Variants in PAWR observed in about 807,000 individuals in gnomAD.
The protein encoded by PAWR is pro-apoptotic WT1 regulator.
PAWR carries 23 observed loss-of-function variants against 32.0 expected under a neutral mutation model. The ratio of observed to expected loss-of-function variants is 0.72; its 90% CI spans 0.52 to 1.02. The LOEUF (loss-of-function observed/expected upper bound fraction) is 1.02. Ranked by LOEUF, PAWR falls within the 50% of genes least tolerant of loss-of-function variation. The pLI is 0.00. For synonymous variants in PAWR, 226 were observed against 187.1 expected, an observed-to-expected ratio of 1.21 and a Z score of -1.70; for missense variants, 457 against 437.7, an observed-to-expected ratio of 1.04 and a Z score of -0.39.
At position 79,584,990 on chromosome 12, in the gene PAWR, G is replaced by C; in HGVS notation, c.*7617C>G. On this transcript the variant is annotated 3_prime_UTR_variant, in exon 7 of 7. Transcript: ENST00000328827. ...AATAACAGAGATAAAACTTAACACA[G>C]ACAAACAATGATTTTATTCCATAGT... 3.9e-6 allele frequency: 1 copy of C among 257,072 alleles called. No homozygotes were observed. Among genetic ancestry groups the C allele is most frequent in the South Asian group, 4.0e-5 (1 of 25,026 alleles). 15.9% of individuals were successfully genotyped at this position (257,072 alleles called of 1,614,324 possible).
chr12:79,594,761 C>T (rs1218937931), intron 5 of PAWR, among the ~76,000 whole-genome samples: 2 of 151,752 alleles, frequency 1.3e-5, no homozygotes, highest in African/African-American at 4.8e-5. Flanking sequence ...CTCTTGTCAC[C>T]CAGGCTGGAG....
chr12:79,643,983 G>A (rs954778907), intron 2 of PAWR, among the ~76,000 whole-genome samples: 2 of 152,128 alleles, frequency 1.3e-5, no homozygotes, highest in Non-Finnish European at 2.9e-5. Flanking sequence ...GCACAAGTTC[G>A]TATGAAGCAA....
At chr12:79,652,580 T>C (rs988043709) in intron 2 of PAWR, among the ~76,000 whole-genome samples, 1 of 152,206 alleles carries the variant, frequency 6.6e-6, no homozygotes, top group Non-Finnish European at 1.5e-5. Flanking sequence ...ATGATCAAAA[T>C]ATGGAGCATC....
At chr12:79,689,536 G>A (rs1878861362) in intron 2 of PAWR, among the ~76,000 whole-genome samples, 193 bp downstream of exon 2, 1 of 152,180 alleles carries the variant, frequency 6.6e-6, no homozygotes, top group African/African-American at 2.4e-5. Flanking sequence ...GTCCTACTCT[G>A]AGTTTGGGGA....
intron 2 of PAWR, among the ~76,000 whole-genome samples, chr12:79,637,430 C>T (rs1419992891): frequency 3.3e-5 from 5 of 151,622 alleles, no homozygotes; most frequent in African/African-American, 4.9e-5. Context: ...CTAGCATATA[C>T]CATTCTGTCA....
chr12:79,690,226 G>T lies in PAWR; in HGVS notation c.19C>A (p.Arg7=). 6.6e-7 allele frequency: 1 copy of T among 1,517,220 alleles called. No individual in the cohort carries two copies. Among genetic ancestry groups the T allele is most frequent in the Non-Finnish European group, 8.8e-7 (1 of 1,137,272 alleles). The allele number at this position is 1,517,220 out of a possible 1,614,324, so 94.0% of individuals were successfully genotyped here. ...CTGCCGCCGAGGCCGCTGCTGGTCC[G>T]GTAGCCACCGGTCGCCATATTCCCA... is the stretch of plus-strand genomic sequence containing the variant. MATGGY[R]TSSGLGGSTT... Residue 7 remains arginine (R), a synonymous_variant, in exon 2 of 7, where the codon CGG becomes AGG. Coordinates refer to ENST00000328827, the MANE Select transcript of PAWR (RefSeq NM_002583.4).
chr12:79,672,142 C>T lies in PAWR; in HGVS notation c.516+17587G>A, dbSNP rs571798593. On this transcript the variant is annotated intron_variant, in intron 2 of 6. Coordinates refer to ENST00000328827, the MANE Select transcript of PAWR (RefSeq NM_002583.4). ...CCTACCTCCCACCTGGTCACTCTCT[C>T]CTGTATTGCTGTAGTGGTCTGCCCT... is the stretch of plus-strand genomic sequence containing the variant. Among the ~76,000 whole-genome samples, 3 of 152,224 alleles carry T rather than the reference C, an allele frequency of 2.0e-5. No individual in the cohort carries two copies. In the South Asian group the frequency reaches 6.2e-4, roughly 32 times the overall value.
intron 2 of PAWR, among the ~76,000 whole-genome samples, chr12:79,647,922 C>T (rs1320992950): frequency 6.6e-6 from 1 of 152,094 alleles, no homozygotes; most frequent in Non-Finnish European, 1.5e-5. Flanking sequence ...CAGGATGAAA[C>T]TGTTCTACCT....
At chr12:79,651,415 G>A (rs1876838661) in intron 2 of PAWR, among the ~76,000 whole-genome samples, 5 of 152,152 alleles carry the variant, frequency 3.3e-5, no homozygotes, top group Admixed American at 3.3e-4. Flanking sequence ...TGCATTTGAA[G>A]CTTTCCCTTA....
chr12:79,651,829 A>G (rs1250712177), intron 2 of PAWR, among the ~76,000 whole-genome samples: 1 of 152,214 alleles, frequency 6.6e-6, no homozygotes, highest in African/African-American at 2.4e-5. Flanking sequence ...TTTTAAATCT[A>G]GGCCATGAAA....
intron 2 of PAWR, among the ~76,000 whole-genome samples, chr12:79,666,193 A>G (rs1445601737): frequency 6.6e-6 from 1 of 152,190 alleles, no homozygotes; most frequent in Non-Finnish European, 1.5e-5. Context: ...AAGGGGGCTT[A>G]AAAGTAGTCT....
intron 4 of PAWR, among the ~76,000 whole-genome samples, chr12:79,598,535 G>GA (rs1476154658): frequency 1.3e-5 from 2 of 152,000 alleles, no homozygotes; most frequent in Non-Finnish European, 2.9e-5. Context: ...CAGTTAAATC[G>GA]AAAGTGACTT....
chr12:79,685,883 A>AC (rs1878658286), intron 2 of PAWR, among the ~76,000 whole-genome samples: 1 of 152,222 alleles, frequency 6.6e-6, no homozygotes, highest in African/African-American at 2.4e-5. Context: ...CTAGATATAT[A>AC]CATACACACA....
chr12:79,669,183 C>T (rs1310442651), intron 2 of PAWR, among the ~76,000 whole-genome samples: 1 of 152,124 alleles, frequency 6.6e-6, no homozygotes, highest in African/African-American at 2.4e-5. Flanking sequence ...CCACACAGTG[C>T]AGATTATGTA....
At chr12:79,621,014 G>C in intron 3 of PAWR, 62 bp downstream of exon 3, 1 of 1,220,796 alleles carries the variant, frequency 8.2e-7, no homozygotes, top group Non-Finnish European at 1.2e-6. Flanking sequence ...CAACTCAAGA[G>C]GCATAATTGA....
chr12:79,599,891 A>C (rs1175577147), intron 4 of PAWR, among the ~76,000 whole-genome samples: 1 of 152,178 alleles, frequency 6.6e-6, no homozygotes, highest in Non-Finnish European at 1.5e-5. Context: ...CAAAAATACT[A>C]GTGATCACAT....
At position 79,690,883 on chromosome 12, in the gene PAWR, T is replaced by G. The variant is rs1878990565; in HGVS notation, c.-159A>C. The G allele has an allele frequency of 6.6e-6, 1 of 152,078 alleles. No individual in the cohort carries two copies. Among genetic ancestry groups the G allele is most frequent in the South Asian group, 2.1e-4 (1 of 4,824 alleles). The allele number at this position is 152,078 out of a possible 1,614,324, so 9.4% of individuals were successfully genotyped here. ...AGCGAGCGCCTTACCTTGGAGGAGCTTGTAGGGGACGAGGCGTAGGGCTGG... is the reference window on the plus strand; with the variant it reads ...AGCGAGCGCCTTACCTTGGAGGAGCGTGTAGGGGACGAGGCGTAGGGCTGG... On this transcript the variant is annotated 5_prime_UTR_variant, in exon 1 of 7. Coordinates refer to ENST00000328827, the MANE Select transcript of PAWR (RefSeq NM_002583.4).
Position 79,589,690 on chromosome 12 carries a change from G to A in PAWR, c.*2917C>T, listed in dbSNP as rs1873491042. On this transcript the variant is annotated 3_prime_UTR_variant, in exon 7 of 7. Transcript: ENST00000328827. ...GAAAGATGAAATAAAGATTACTATA[G>A]CAATCTTCAATTAATTCATTTCAGA... is the stretch of plus-strand genomic sequence containing the variant. 1 of 152,012 alleles carries A rather than the reference G, an allele frequency of 6.6e-6. No individual in the cohort carries two copies. The allele number at this position is 152,012 out of a possible 1,614,324, so 9.4% of individuals were successfully genotyped here. A position where few individuals can be genotyped will look rare whatever the true frequency, so the allele number is the denominator to read the frequency against.
Position 79,681,583 on chromosome 12 carries a change from T to C in PAWR, c.516+8146A>G, listed in dbSNP as rs1321760088. Reference sequence around the variant, plus strand: ...CAATAGTGTGGTTCCATTTCTCAAGTAGATTCAAAAAAATAAGAATAGAAA... The same window carrying C: ...CAATAGTGTGGTTCCATTTCTCAAGCAGATTCAAAAAAATAAGAATAGAAA... On this transcript the variant is annotated intron_variant, in intron 2 of 6. Coordinates refer to ENST00000328827, the MANE Select transcript of PAWR (RefSeq NM_002583.4). 3.3e-5 allele frequency among the ~76,000 whole-genome samples: 5 copies of C among 152,274 alleles called. No individual in the cohort carries two copies. The East Asian group carries it at 9.6e-4, about 29-fold the overall frequency.
Sources: gnomAD v4.1 joint callset for allele counts (sites outside exome capture counted in the v4.1 genomes callset) on GRCh38, gnomAD v4.1.1 for gene constraint, MANE v1.5 for transcripts, NCBI Gene and HGNC (gene_info 2026-07-23, HGNC 2026-07-21) for gene names.